Variants in GLOD4 observed in about 807,000 individuals in gnomAD.
The protein encoded by GLOD4 is glyoxalase domain-containing protein 4.
Under a neutral mutation model 39.1 loss-of-function variants are expected in GLOD4, and 44 were observed. The observed-to-expected ratio is 1.13, with a 90% CI of 0.88 to 1.45. The LOEUF is 1.45. GLOD4 is among the 40% of genes most tolerant of loss of function. The pLI is 0.00. For synonymous variants in GLOD4, 145 were observed against 135.0 expected, an observed-to-expected ratio of 1.07 and a Z score of -0.52; for missense variants, 405 against 366.4, an observed-to-expected ratio of 1.11 and a Z score of -0.86.
chr17:761,594 T>C (rs938657963), intron 8 of GLOD4, among the ~76,000 whole-genome samples: 3 of 152,226 alleles, frequency 2.0e-5, no homozygotes, highest in African/African-American at 7.2e-5. Context: ...AACCTCTGCC[T>C]TCTGGGTTCA....
intron 3 of GLOD4, among the ~76,000 whole-genome samples, chr17:776,130 T>C (rs1412038016): frequency 3.3e-5 from 5 of 152,184 alleles, no homozygotes; most frequent in Admixed American, 2.0e-4. Context: ...AGGACAGAAA[T>C]TGAAATGCCA....
intron 1 of GLOD4, among the ~76,000 whole-genome samples, chr17:781,063 G>C (rs1388273760): frequency 6.6e-6 from 1 of 151,828 alleles, no homozygotes; most frequent in Non-Finnish European, 1.5e-5. Context: ...TGGGATTACA[G>C]GCGTGTGCCA....
intron 2 of GLOD4, 25 bp from the exon 3 acceptor site, chr17:777,013 C>A: frequency 6.2e-7 from 1 of 1,609,908 alleles, no homozygotes; most frequent in Admixed American, 1.7e-5. Context: ...TAAATGAACT[C>A]AGTGACTACA....
At chr17:776,211 ATG>A (rs1037052005) in intron 3 of GLOD4, among the ~76,000 whole-genome samples, 4 of 152,232 alleles carry the variant, frequency 2.6e-5, no homozygotes, top group Non-Finnish European at 5.9e-5. Context: ...AGAAATCTTG[ATG>A]TTACCTGGGT....
chr17:773,380 A>G (rs997379075), intron 4 of GLOD4, among the ~76,000 whole-genome samples: 9 of 152,242 alleles, frequency 5.9e-5, no homozygotes, highest in African/African-American at 2.2e-4. Flanking sequence ...CCTACAATGT[A>G]ATAATACGAT....
At chr17:775,496 C>T (rs1014992599) in intron 4 of GLOD4, among the ~76,000 whole-genome samples, 8 of 152,176 alleles carry the variant, frequency 5.3e-5, no homozygotes, top group African/African-American at 1.9e-4. Context: ...CTAAAAGATT[C>T]TATAACTGTT....
intron 4 of GLOD4, among the ~76,000 whole-genome samples, chr17:774,886 T>C (rs568813414): frequency 2.0e-5 from 3 of 151,898 alleles, no homozygotes; most frequent in South Asian, 4.2e-4. Context: ...CTGGACAATA[T>C]AGTGAAACCC....
chr17:770,694 T>C (rs78487684), intron 5 of GLOD4, 187 bp from the exon 6 acceptor site: 83,159 of 432,458 alleles, frequency 0.19, 7,065 homozygotes, highest in East Asian at 0.33. Context: ...CACGCATCTA[T>C]GTTTTTTTTT....
chr17:766,117 G>A (rs576938644), intron 8 of GLOD4, among the ~76,000 whole-genome samples: 1 of 151,646 alleles, frequency 6.6e-6, no homozygotes, highest in African/African-American at 2.4e-5. Context: ...GGGCAACATG[G>A]TGAAACCCCA....
At chr17:763,954 AATG>A (rs1906001916) in intron 8 of GLOD4, 1 of 152,248 alleles carries the variant, frequency 6.6e-6, no homozygotes, top group Non-Finnish European at 1.5e-5. Context: ...GTGACGAAGG[AATG>A]ATGAAAAACT....
chr17:782,512 G>A (rs2249542), upstream of GLOD4: 388,468 of 1,613,192 alleles, frequency 0.24, 49,508 homozygotes, highest in Non-Finnish European at 0.27. Context: ...TTTCCTTCCG[G>A]AGAGGTGGTG....
Position 760,240 on chromosome 17 carries a change from T to G in GLOD4, c.832-2A>C. ...GTCACTTTTATCTGCTGCCATTGCC[T>G]GTAAAATAGAAATAGAATATACACT... On this transcript the variant is annotated splice_acceptor_variant, in intron 8 of 8. Coordinates refer to ENST00000301329, the MANE Select transcript of GLOD4 (RefSeq NM_016080.4). LOFTEE classifies it high-confidence loss of function. The G allele has an allele frequency of 6.5e-7, 1 of 1,547,630 alleles. No homozygotes were observed. Among genetic ancestry groups the G allele is most frequent in the East Asian group, 2.2e-5 (1 of 44,562 alleles).
At chr17:779,036 C>T (rs774405132) in intron 1 of GLOD4, among the ~76,000 whole-genome samples, 36 of 151,970 alleles carry the variant, frequency 2.4e-4, no homozygotes, top group Non-Finnish European at 3.2e-4. Context: ...TGATTTGGGC[C>T]GGGCACAGTG....
Position 759,736 on chromosome 17 carries a change from G to A in GLOD4, c.*437C>T, listed in dbSNP as rs1442947031. 6.5e-6 allele frequency: 1 copy of A among 154,978 alleles called. No homozygotes were observed. Among genetic ancestry groups the A allele is most frequent in the African/African-American group, 2.4e-5 (1 of 41,488 alleles). 9.6% of individuals were successfully genotyped at this position (154,978 alleles called of 1,614,324 possible). On this transcript the variant is annotated 3_prime_UTR_variant, in exon 9 of 9. Transcript: ENST00000301329. ...CAAAACCTGCCAGAATAAGACAATAGAAGAGCGTATCGTCAGGCGCTGGGA... is the reference window on the plus strand; with the variant it reads ...CAAAACCTGCCAGAATAAGACAATAAAAGAGCGTATCGTCAGGCGCTGGGA...
Position 776,982 on chromosome 17 carries a change from A to G in GLOD4, c.147T>C (p.Tyr49=), listed in dbSNP as rs748218284. The change falls in exon 3 of 9, where the codon TAT becomes TAC. Residue 49 remains tyrosine (Y), a synonymous_variant. Transcript: ENST00000301329. ...CCATTGTTTTACTCCATTTCCCATC[A>G]TAAGGCCTAGAAAATAAAAGTAAAT... The part of the protein sequence containing the change: ...EGCKAACNGP[Y]DGKWSKTMVG... 1.1e-5 allele frequency: 17 copies of G among 1,609,198 alleles called. No homozygotes were observed. Among genetic ancestry groups the G allele is most frequent in the Non-Finnish European group, 1.4e-5 (17 of 1,175,612 alleles).
At chr17:780,271 C>CA (rs1199939036) in intron 1 of GLOD4, among the ~76,000 whole-genome samples, 3 of 152,208 alleles carry the variant, frequency 2.0e-5, no homozygotes, top group Non-Finnish European at 4.4e-5. Context: ...ATCCCATCAC[C>CA]ACCCTGTTTA....
At chr17:762,440 G>A (rs1350770433) in intron 8 of GLOD4, among the ~76,000 whole-genome samples, 1 of 151,602 alleles carries the variant, frequency 6.6e-6, no homozygotes, top group African/African-American at 2.4e-5. Context: ...TACTCAGTGC[G>A]TGATCTTCAG....
At chr17:770,231 G>A (rs1286100896) in intron 6 of GLOD4, 74 bp from the exon 7 acceptor site, 2 of 829,978 alleles carry the variant, frequency 2.4e-6, no homozygotes, top group Non-Finnish European at 4.1e-6. Context: ...AGTCCTAGAG[G>A]AGTATCAGAT....
upstream of GLOD4, among the ~76,000 whole-genome samples, chr17:785,700 C>T (rs1162306099): frequency 2.6e-5 from 4 of 151,670 alleles, no homozygotes; most frequent in Non-Finnish European, 5.9e-5. Flanking sequence ...TCTGAGCCAG[C>T]GTATTTGAAA....
Sources: allele counts gnomAD v4.1 joint callset (sites outside exome capture counted in the v4.1 genomes callset), GRCh38; gene constraint gnomAD v4.1.1; transcripts MANE v1.5; gene names NCBI Gene and HGNC (gene_info 2026-07-23, HGNC 2026-07-21).